RNF180: variants seen among roughly 807,000 people sequenced by gnomAD.
The protein encoded by RNF180 is E3 ubiquitin-protein ligase RNF180.
In RNF180, 38 loss-of-function variants were observed where a neutral mutation model predicts 59.2. The observed-to-expected ratio is 0.64, with a 90% CI of 0.50 to 0.84. The LOEUF is 0.84. RNF180 is among the 40% of genes least tolerant of loss of function. The probability of loss-of-function intolerance (pLI) is 0.00; values close to 1 mark genes in which losing one functional copy is unlikely to be tolerated. For synonymous variants in RNF180, 262 were observed against 240.3 expected (o/e 1.09, Z -0.84); for missense variants, 705 against 700.9 (o/e 1.01, Z -0.07).
rs375203511 is a variant in RNF180, at chr5:64,276,319, G to GGTGTGTGTGTGTGTGT, written c.1228-48842_1228-48827dup. ...CAGAACTGGGAACAAAAAATACATT[G>GGTGTGTGTGTGTGTGT]GTGTGTGTGTGTGTGTGTGTGTGTG... On this transcript the variant is annotated intron_variant, in intron 5 of 7. Transcript: ENST00000389100. 2.0e-3 allele frequency among the ~76,000 whole-genome samples: 276 copies of GGTGTGTGTGTGTGTGT among 138,166 alleles called. 4 individuals carry two copies. Among genetic ancestry groups the GGTGTGTGTGTGTGTGT allele is most frequent in the African/African-American group, 6.1e-3 (219 of 36,160 alleles). 90.6% of individuals were successfully genotyped at this position (138,166 alleles called of 152,430 possible).
At chr5:64,191,468 A>G (rs1751154685) in intron 1 of RNF180, among the ~76,000 whole-genome samples, 1 of 152,158 alleles carries the variant, frequency 6.6e-6, no homozygotes, top group Non-Finnish European at 1.5e-5. Context: ...TCCTCCCCCC[A>G]GATACTTAGA....
chr5:64,278,514 G>A (rs1376877547), intron 5 of RNF180, among the ~76,000 whole-genome samples: 2 of 152,088 alleles, frequency 1.3e-5, no homozygotes, highest in African/African-American at 4.8e-5. Context: ...TGGTAACAGT[G>A]GCAAAAGATA....
intron 5 of RNF180, among the ~76,000 whole-genome samples, chr5:64,259,548 T>A (rs16892580): frequency 1.4e-4 from 21 of 152,310 alleles, no homozygotes; most frequent in Admixed American, 6.5e-4. Flanking sequence ...TCCTATTGTC[T>A]GAACTTTAAT....
intron 5 of RNF180, among the ~76,000 whole-genome samples, chr5:64,255,080 G>T (rs1743850317): frequency 6.6e-6 from 1 of 152,146 alleles, no homozygotes; most frequent in African/African-American, 2.4e-5. Flanking sequence ...TAGTAGCCAT[G>T]AGGTGATTCT....
intron 5 of RNF180, among the ~76,000 whole-genome samples, chr5:64,264,840 C>T (rs1388538973): frequency 2.6e-5 from 4 of 152,308 alleles, no homozygotes; most frequent in Admixed American, 2.6e-4. Flanking sequence ...AATTTACACT[C>T]CCACCAACAA....
intron 7 of RNF180, among the ~76,000 whole-genome samples, chr5:64,348,034 G>A (rs991877713): frequency 2.0e-5 from 3 of 152,012 alleles, no homozygotes; most frequent in Non-Finnish European, 4.4e-5. Flanking sequence ...CTCCATTATA[G>A]TATCACTTAA....
At chr5:64,267,629 T>C (rs1744760935) in intron 5 of RNF180, among the ~76,000 whole-genome samples, 1 of 152,078 alleles carries the variant, frequency 6.6e-6, no homozygotes, top group Non-Finnish European at 1.5e-5. Context: ...TGAGATAGTT[T>C]ACTGAGAATG....
chr5:64,355,160 C>G (rs747294198), intron 7 of RNF180, among the ~76,000 whole-genome samples: 3 of 151,840 alleles, frequency 2.0e-5, no homozygotes, highest in Non-Finnish European at 4.4e-5. Flanking sequence ...ATGTCCTAAT[C>G]CTGTATACAG....
chr5:64,257,232 A>G (rs527238549), intron 5 of RNF180, among the ~76,000 whole-genome samples: 62 of 152,306 alleles, frequency 4.1e-4, no homozygotes, highest in East Asian at 1.5e-3. Context: ...AGAACTTCCA[A>G]CACTACGTTG....
chr5:64,179,053 A>C lies in RNF180; in HGVS notation c.-1+13100A>C, dbSNP rs567395173. ...TGTTGCTGCTCCTTCCCCACTCCCC[A>C]ATATATATCATACTTTTTAGTAACT... On this transcript the variant is annotated intron_variant, in intron 1 of 7. Transcript: ENST00000389100. Among the ~76,000 whole-genome samples, 221 of 152,180 alleles carry C rather than the reference A, an allele frequency of 1.5e-3. 1 individual carries two copies. Among genetic ancestry groups the C allele is most frequent in the African/African-American group, 5.1e-3 (210 of 41,534 alleles).
At chr5:64,349,912 C>T (rs912814896) in intron 7 of RNF180, among the ~76,000 whole-genome samples, 1 of 152,082 alleles carries the variant, frequency 6.6e-6, no homozygotes, top group African/African-American at 2.4e-5. Flanking sequence ...GTGTATGTGT[C>T]TTTATAGCAG....
chr5:64,174,959 C>CTTTTTT lies in RNF180; in HGVS notation c.-1+9027_-1+9032dup, dbSNP rs370660214. 2.9e-3 allele frequency among the ~76,000 whole-genome samples: 244 copies of CTTTTTT among 84,750 alleles called. 38 individuals carry two copies. The highest frequency in any genetic ancestry group is 0.011 in the African/African-American group (217 of 20,286). The allele number at this position is 84,750 out of a possible 152,430, so 55.6% of individuals were successfully genotyped here. ...TTACATTTAAGTCTTTAATCCAGTT[C>CTTTTTT]TTTTTTTTTTTTTTTTTTTTTTTTT... On this transcript the variant is annotated intron_variant, in intron 1 of 7. Transcript: ENST00000389100.
intron 5 of RNF180, among the ~76,000 whole-genome samples, chr5:64,283,872 G>C (rs1462357650): frequency 6.6e-6 from 1 of 152,108 alleles, no homozygotes; most frequent in African/African-American, 2.4e-5. Flanking sequence ...TTTAAAATTG[G>C]TAGGTGCACA....
chr5:64,248,167 A>G (rs1283990784), intron 5 of RNF180, among the ~76,000 whole-genome samples: 7 of 152,130 alleles, frequency 4.6e-5, no homozygotes, highest in Admixed American at 3.3e-4. Flanking sequence ...AGAAGAAAAC[A>G]TAGGCAGTAC....
intron 5 of RNF180, among the ~76,000 whole-genome samples, chr5:64,235,101 A>T (rs932534641): frequency 1.3e-5 from 2 of 151,920 alleles, no homozygotes; most frequent in African/African-American, 4.8e-5. Context: ...ATGTACCAAG[A>T]CCCAGTTTCT....
chr5:64,317,553 C>T (rs189253879), intron 5 of RNF180, among the ~76,000 whole-genome samples: 1 of 140,000 alleles, frequency 7.1e-6, no homozygotes, highest in African/African-American at 2.7e-5. Flanking sequence ...TTTATATATA[C>T]ATATATACAC....
At chr5:64,248,372 A>G (rs544794078) in intron 5 of RNF180, among the ~76,000 whole-genome samples, 2 of 152,362 alleles carry the variant, frequency 1.3e-5, no homozygotes, top group African/African-American at 2.4e-5. Context: ...ACAAAGGGCT[A>G]ATACCCAGAA....
intron 7 of RNF180, among the ~76,000 whole-genome samples, chr5:64,349,683 C>A (rs182195083): frequency 2.0e-5 from 3 of 151,808 alleles, no homozygotes; most frequent in African/African-American, 7.3e-5. Context: ...TGAGAACATG[C>A]GGTGTTTGGT....
At chr5:64,248,798 G>A (rs1393806720) in intron 5 of RNF180, among the ~76,000 whole-genome samples, 1 of 152,160 alleles carries the variant, frequency 6.6e-6, no homozygotes, top group East Asian at 1.9e-4. Context: ...AAAGACACAT[G>A]CACACATATG....
Sources: allele counts gnomAD v4.1 joint callset (sites outside exome capture counted in the v4.1 genomes callset), GRCh38; gene constraint gnomAD v4.1.1; transcripts MANE v1.5; gene names NCBI Gene and HGNC (gene_info 2026-07-23, HGNC 2026-07-21).